RPTOR: variants seen among roughly 807,000 people sequenced by gnomAD.
RPTOR encodes the protein regulatory-associated protein of mTOR.
In RPTOR, 21 loss-of-function variants were observed where a neutral mutation model predicts 169.9. That is an observed-to-expected ratio of 0.12 (90% CI 0.09 to 0.18). RPTOR has a LOEUF of 0.18. Ranked by LOEUF, RPTOR falls within the 10% of genes least tolerant of loss-of-function variation. RPTOR has a pLI of 1.00. For synonymous variants in RPTOR, 732 were observed against 753.2 expected (o/e 0.97, Z 0.46); for missense variants, 1,133 against 1,855.9 (o/e 0.61, Z 7.16).
At chr17:80,600,908 C>T (rs371938364) in intron 1 of RPTOR, among the ~76,000 whole-genome samples, 5 of 76,144 alleles carry the variant, frequency 6.6e-5, no homozygotes, top group African/African-American at 2.3e-4. Flanking sequence ...CCAAGATGAC[C>T]GCAGCAGCGT....
At chr17:80,832,949 A>G (rs1471879997) in intron 9 of RPTOR, among the ~76,000 whole-genome samples, 5 of 152,186 alleles carry the variant, frequency 3.3e-5, no homozygotes, top group Admixed American at 1.3e-4. Flanking sequence ...CTGCATTTAC[A>G]CTTTGCTTCA....
chr17:80,857,695 G>A, intron 12 of RPTOR, 95 bp from the exon 13 acceptor site: 1 of 761,348 alleles, frequency 1.3e-6, no homozygotes, highest in East Asian at 2.5e-5. Flanking sequence ...CATATGTGCT[G>A]AAGATAGCAC....
intron 2 of RPTOR, among the ~76,000 whole-genome samples, chr17:80,628,177 G>C (rs534509524): frequency 6.6e-6 from 1 of 151,736 alleles, no homozygotes. Flanking sequence ...CTGAACTGTC[G>C]GTTTTTTAAA....
Position 80,589,139 on chromosome 17 carries a change from C to T in RPTOR, c.163-36552C>T, listed in dbSNP as rs556641503. Among the ~76,000 whole-genome samples the T allele has an allele frequency of 3.0e-4, 45 of 152,236 alleles. No individual in the cohort carries two copies. The South Asian group carries it at 6.8e-3, about 23-fold the overall frequency. ...TAATCACGCCAGTCTATGGCCCATC[C>T]GGCATTGGCTTTGCATATGGTATGA... is the stretch of plus-strand genomic sequence containing the variant. On this transcript the variant is annotated intron_variant, in intron 1 of 33. Transcript: ENST00000306801.
intron 3 of RPTOR, among the ~76,000 whole-genome samples, chr17:80,700,543 GA>G (rs1263576562): frequency 9.0e-5 from 10 of 110,510 alleles, no homozygotes; most frequent in Admixed American, 7.9e-4. Flanking sequence ...TGGTGATGAT[GA>G]TGGTGGTGGT....
At chr17:80,937,604 C>T (rs966196192) in intron 24 of RPTOR, among the ~76,000 whole-genome samples, 6 of 152,314 alleles carry the variant, frequency 3.9e-5, no homozygotes, top group South Asian at 2.1e-4. Flanking sequence ...ACAGGATCAG[C>T]GGCACCCACA....
intron 1 of RPTOR, among the ~76,000 whole-genome samples, chr17:80,600,464 G>A (rs531152118): frequency 6.6e-6 from 1 of 152,186 alleles, no homozygotes; most frequent in Non-Finnish European, 1.5e-5. Context: ...AGGCGGAGCT[G>A]AGATCCCAGA....
chr17:80,822,719 CATGTGTAT>C (rs1323052630), intron 8 of RPTOR, among the ~76,000 whole-genome samples: 2 of 152,058 alleles, frequency 1.3e-5, no homozygotes, highest in Non-Finnish European at 2.9e-5. Flanking sequence ...TACATGTGTA[CATGTGTAT>C]GCATACACGT....
In RPTOR at chr17:80,828,138, C is replaced by T. The variant is rs74001099; in HGVS notation, c.1136+4915C>T. ...TGTCACCTCTTGTTACACATGGCCA[C>T]TGTGCTGGCGGATCACAGCATCGTT... On this transcript the variant is annotated intron_variant, in intron 9 of 33. Transcript: ENST00000306801. Among the ~76,000 whole-genome samples, 362 of 152,346 alleles carry T rather than the reference C, an allele frequency of 2.4e-3. 2 individuals are homozygous for T. The highest frequency in any genetic ancestry group is 8.5e-3 in the African/African-American group (354 of 41,588).
chr17:80,649,937 G>A (rs187821231), intron 3 of RPTOR, among the ~76,000 whole-genome samples: 31 of 152,322 alleles, frequency 2.0e-4, no homozygotes, highest in African/African-American at 7.2e-4. Flanking sequence ...GGTATTGGAA[G>A]CAGCTTCCTG....
At chr17:80,851,697 A>G (rs1231569476) in intron 11 of RPTOR, among the ~76,000 whole-genome samples, 2 of 152,232 alleles carry the variant, frequency 1.3e-5, no homozygotes, top group East Asian at 1.9e-4. Context: ...TCGGGACCAC[A>G]TCACGGTGGT....
chr17:80,709,006 A>G, intron 4 of RPTOR: 1 of 985,608 alleles, frequency 1.0e-6, no homozygotes. Context: ...CCGGGTTCGC[A>G]GCTAGCATTC....
rs71368092 is a variant in RPTOR at position 80,841,146 on chromosome 17, T to A, written c.1212+3149T>A. 6.9e-3 allele frequency among the ~76,000 whole-genome samples: 113 copies of A among 16,416 alleles called. 3 individuals are homozygous for A. Among genetic ancestry groups the A allele is most frequent in the African/African-American group, 8.9e-3 (31 of 3,474 alleles). 10.8% of individuals were successfully genotyped at this position (16,416 alleles called of 152,430 possible). A position where few individuals can be genotyped will look rare whatever the true frequency, so the allele number is the denominator to read the frequency against. ...TCACACTCACCGCACGGCAGCTCAC[T>A]CTCACCGCACGGCAGCTCACTCTCA... is the stretch of plus-strand genomic sequence containing the variant. On this transcript the variant is annotated intron_variant, in intron 10 of 33. Coordinates refer to ENST00000306801, the MANE Select transcript of RPTOR (RefSeq NM_020761.3).
At chr17:80,880,579 G>A (rs898851655) in intron 14 of RPTOR, 90 bp downstream of exon 14, 63 of 1,252,666 alleles carry the variant, frequency 5.0e-5, no homozygotes, top group Non-Finnish European at 6.8e-5. Context: ...CTTTTGACGG[G>A]GGCTACAGGA....
chr17:80,862,170 C>A (rs918168774), intron 13 of RPTOR, among the ~76,000 whole-genome samples: 1 of 152,136 alleles, frequency 6.6e-6, no homozygotes, highest in South Asian at 2.1e-4. Context: ...CATGCCCTTG[C>A]CTGCAGTGTT....
At chr17:80,747,456 G>T (rs1291913578) in intron 5 of RPTOR, among the ~76,000 whole-genome samples, 1 of 152,194 alleles carries the variant, frequency 6.6e-6, no homozygotes, top group Non-Finnish European at 1.5e-5. Flanking sequence ...ACGTACTTTG[G>T]GGGGCTTCTT....
At chr17:80,849,878 C>T (rs1187998416) in intron 11 of RPTOR, among the ~76,000 whole-genome samples, 3 of 152,232 alleles carry the variant, frequency 2.0e-5, no homozygotes, top group Non-Finnish European at 4.4e-5. Context: ...TGCGTTTGCC[C>T]TCTGGCTTCG....
At chr17:80,887,166 G>C (rs2068257071) in intron 17 of RPTOR, among the ~76,000 whole-genome samples, 1 of 152,016 alleles carries the variant, frequency 6.6e-6, no homozygotes, top group African/African-American at 2.4e-5. Context: ...CTGTGACCAA[G>C]CGGGCTGCAC....
intron 26 of RPTOR, among the ~76,000 whole-genome samples, chr17:80,946,835 C>T (rs1205264583): frequency 6.6e-6 from 1 of 152,216 alleles, no homozygotes; most frequent in East Asian, 1.9e-4. Context: ...GGGATACGCC[C>T]AGAGTGGAAT....
Sources: gnomAD v4.1 joint callset for allele counts (sites outside exome capture counted in the v4.1 genomes callset) on GRCh38, gnomAD v4.1.1 for gene constraint, MANE v1.5 for transcripts, NCBI Gene and HGNC (gene_info 2026-07-23, HGNC 2026-07-21) for gene names.